Variants in DEAF1 observed in about 807,000 individuals in gnomAD.
The protein encoded by DEAF1 is DEAF1 transcription factor, also known as deformed epidermal autoregulatory factor 1 homolog.
Under a neutral mutation model 58.9 loss-of-function variants are expected in DEAF1, and 53 were observed. That is an observed-to-expected ratio of 0.90 (90% CI 0.72 to 1.13). The LOEUF (loss-of-function observed/expected upper bound fraction) is 1.13. Among genes scored for constraint, DEAF1 ranks in the 50% most tolerant of loss-of-function variants. DEAF1 has a pLI of 0.00. For synonymous variants in DEAF1, 385 were observed against 340.4 expected, an observed-to-expected ratio of 1.13 and a Z score of -1.44; for missense variants, 685 against 791.4, an observed-to-expected ratio of 0.87 and a Z score of 1.61.
At chr11:670,526 C>T (rs1467720290) in intron 10 of DEAF1, among the ~76,000 whole-genome samples, 1 of 151,460 alleles carries the variant, frequency 6.6e-6, no homozygotes, top group Non-Finnish European at 1.5e-5. Context: ...ACCAGCCTCG[C>T]CAACATGGCG....
chr11:653,019 G>A (rs1052317150), intron 11 of DEAF1, among the ~76,000 whole-genome samples: 1 of 144,074 alleles, frequency 6.9e-6, no homozygotes, highest in Non-Finnish European at 1.5e-5. Flanking sequence ...GGGAGGCAGA[G>A]GTTGCAGCGA....
chr11:654,144 A>G lies in DEAF1; in HGVS notation c.1504-93T>C. 6 of 931,746 alleles carry G rather than the reference A, an allele frequency of 6.4e-6. No homozygotes were observed. The Admixed American group carries it at 9.9e-5, about 15-fold the overall frequency. 57.7% of individuals were successfully genotyped at this position (931,746 alleles called of 1,614,324 possible). On this transcript the variant is annotated intron_variant, in intron 10 of 11. Transcript: ENST00000382409. ...GAGGCAGGTGCAGGCAGGAGGCCCC[A>G]AGTTCCCCCCATTGGACCCCCTTTT... is the stretch of plus-strand genomic sequence containing the variant.
upstream of DEAF1, among the ~76,000 whole-genome samples, chr11:698,335 A>C (rs145459508): frequency 1.3e-5 from 2 of 152,356 alleles, no homozygotes; most frequent in African/African-American, 4.8e-5. Flanking sequence ...AAGAGGTTGC[A>C]TGATAAAAAG....
chr11:687,664 A>G (rs1244250296), intron 4 of DEAF1, among the ~76,000 whole-genome samples: 1 of 151,974 alleles, frequency 6.6e-6, no homozygotes, highest in African/African-American at 2.4e-5. Flanking sequence ...CGCTCCACTA[A>G]TTTTTTGTAT....
intron 10 of DEAF1, among the ~76,000 whole-genome samples, chr11:656,031 A>G (rs138069135): frequency 0.019 from 2,855 of 151,768 alleles, 81 homozygotes; most frequent in African/African-American, 0.065. Flanking sequence ...ATGGGGTTTC[A>G]CCATATTGGT....
In DEAF1 at chr11:694,743, C is replaced by T. The variant is rs952359366; in HGVS notation, c.289+16G>A. On this transcript the variant is annotated intron_variant, in intron 1 of 11. Transcript: ENST00000382409. ...GCGGGAACCGGACGAGGCGAGAGGC[C>T]GGCGGGCGCACTTGCCTGCGAAGGC... 3 of 1,291,182 alleles carry T rather than the reference C, an allele frequency of 2.3e-6. No individual in the cohort carries two copies. Among genetic ancestry groups the T allele is most frequent in the East Asian group, 3.2e-5 (1 of 31,250 alleles). 80.0% of individuals were successfully genotyped at this position (1,291,182 alleles called of 1,614,324 possible). A position where few individuals can be genotyped will look rare whatever the true frequency, so the allele number is the denominator to read the frequency against.
chr11:655,612 GA>G (rs1209119083), intron 10 of DEAF1, among the ~76,000 whole-genome samples: 1 of 151,980 alleles, frequency 6.6e-6, no homozygotes, highest in Non-Finnish European at 1.5e-5. Flanking sequence ...CACAGGAAAC[GA>G]CTCCAGCGCG....
At chr11:654,163 C>A (rs1454391111) in intron 10 of DEAF1, 112 bp from the exon 11 acceptor site, 3 of 515,590 alleles carry the variant, frequency 5.8e-6, no homozygotes, top group Admixed American at 3.4e-5. Context: ...CCATTGGACC[C>A]CCTTTTTTTT....
intron 6 of DEAF1, among the ~76,000 whole-genome samples, chr11:681,319 C>T (rs1465740909): frequency 6.6e-6 from 1 of 152,180 alleles, no homozygotes; most frequent in Non-Finnish European, 1.5e-5. Context: ...ACTGCAACCT[C>T]CGCCTCCCAG....
At chr11:655,072 C>CA (rs1374304312) in intron 10 of DEAF1, among the ~76,000 whole-genome samples, 1 of 150,434 alleles carries the variant, frequency 6.6e-6, no homozygotes, top group Non-Finnish European at 1.5e-5. Flanking sequence ...AACAAACAAA[C>CA]AAAAACAAAG....
At chr11:681,297 C>T (rs1000123011) in intron 6 of DEAF1, among the ~76,000 whole-genome samples, 2 of 152,136 alleles carry the variant, frequency 1.3e-5, no homozygotes, top group Non-Finnish European at 2.9e-5. Context: ...TGCAGTGGCG[C>T]CATCTTGGCT....
At chr11:669,281 T>A (rs774130409) in intron 10 of DEAF1, among the ~76,000 whole-genome samples, 5 of 152,026 alleles carry the variant, frequency 3.3e-5, no homozygotes, top group Non-Finnish European at 5.9e-5. Context: ...TTAAAAGAAC[T>A]GAAATCAGAG....
rs558105606 is a variant in DEAF1, at chr11:691,427, G to C, written c.387+74C>G. ...GTTCACACAGCGGGCTGAACCCCGG[G>C]AGAGCCTCGGGGAAGCCGGAGGCCC... On this transcript the variant is annotated intron_variant, in intron 2 of 11. Coordinates refer to ENST00000382409, the MANE Select transcript of DEAF1 (RefSeq NM_021008.4). The C allele has an allele frequency of 2.1e-6, 3 of 1,414,518 alleles. No homozygotes were observed. The East Asian group carries it at 6.9e-5, about 32-fold the overall frequency. 87.6% of individuals were successfully genotyped at this position (1,414,518 alleles called of 1,614,324 possible).
intron 10 of DEAF1, 113 bp from the exon 11 acceptor site, chr11:654,164 C>A: frequency 5.7e-6 from 3 of 523,466 alleles, no homozygotes; most frequent in African/African-American, 5.8e-5. Flanking sequence ...CATTGGACCC[C>A]CTTTTTTTTT....
At chr11:699,586 A>T, upstream of DEAF1, 1 of 154,558 alleles carries the variant, frequency 6.5e-6, no homozygotes, top group Non-Finnish European at 1.4e-5. Context: ...GTCCCTACTA[A>T]AAATACAAAA....
At chr11:684,384 C>A (rs1281330299) in intron 6 of DEAF1, among the ~76,000 whole-genome samples, 1 of 151,836 alleles carries the variant, frequency 6.6e-6, no homozygotes, top group Non-Finnish European at 1.5e-5. Context: ...CGCCACTGCA[C>A]CCCAGTGTGG....
intron 11 of DEAF1, among the ~76,000 whole-genome samples, chr11:648,416 C>T (rs1268355497): frequency 5.3e-5 from 8 of 151,986 alleles, no homozygotes; most frequent in Non-Finnish European, 1.0e-4. Context: ...AGGATGGTCT[C>T]GATCTCCTGA....
At chr11:648,994 T>C (rs533934279) in intron 11 of DEAF1, among the ~76,000 whole-genome samples, 1 of 152,346 alleles carries the variant, frequency 6.6e-6, no homozygotes, top group East Asian at 1.9e-4. Context: ...CTCATGCCTA[T>C]AATCCCAGCA....
intron 10 of DEAF1, among the ~76,000 whole-genome samples, chr11:670,780 T>G (rs867833996): frequency 0.028 from 3,767 of 135,550 alleles, 72 homozygotes; most frequent in South Asian, 0.067. Context: ...TGTTTTTGTT[T>G]TTTTTTTTTT....
Sources: allele counts gnomAD v4.1 joint callset (sites outside exome capture counted in the v4.1 genomes callset), GRCh38; gene constraint gnomAD v4.1.1; transcripts MANE v1.5; gene names NCBI Gene and HGNC (gene_info 2026-07-23, HGNC 2026-07-21).